The following ASB16 variants were observed in gnomAD, a reference collection of about 807,000 sequenced individuals.
ASB16 encodes the protein ankyrin repeat and SOCS box containing 16.
A neutral mutation model predicts 39.1 loss-of-function variants in ASB16; 44 were observed. The ratio of observed to expected loss-of-function variants is 1.13; its 90% CI spans 0.88 to 1.45. ASB16 has a LOEUF of 1.45. Ranked by LOEUF, ASB16 falls within the 40% of genes most tolerant of loss-of-function variation. The probability of loss-of-function intolerance (pLI) is 0.00; values close to 1 mark genes in which losing one functional copy is unlikely to be tolerated. For missense variants in ASB16, 698 were observed against 634.5 expected (o/e 1.10, Z -1.07); for synonymous variants, 305 against 286.7 (o/e 1.06, Z -0.64).
chr17:44,178,227 C>T lies in ASB16; in HGVS notation c.1199C>T (p.Ser400Leu), dbSNP rs1210036452. The part of the protein sequence containing the change: ...LWKEHEAFYS[S>L]ALCMVNQPRQ... ...TAGGAGCACGAAGCCTTCTACAGCT[C>T]GGCCCTGTGCATGGTGAACCAGCCA... Residue 400 changes from serine (S) to leucine (L), a missense_variant, in exon 5 of 5, where the codon TCG becomes TTG. Coordinates refer to ENST00000293414, the MANE Select transcript of ASB16 (RefSeq NM_080863.5). The T allele has an allele frequency of 5.0e-6, 8 of 1,613,302 alleles. No homozygotes were observed. Among genetic ancestry groups the T allele is most frequent in the African/African-American group, 2.7e-5 (2 of 74,916 alleles).
At chr17:44,175,400 T>TAAAAAA (rs10583057) in intron 2 of ASB16, among the ~76,000 whole-genome samples, 2 of 56,248 alleles carry the variant, frequency 3.6e-5, no homozygotes, top group African/African-American at 6.9e-5. Flanking sequence ...AGACTCCATC[T>TAAAAAA]AAAAAAAAAA....
rs117735535 is a variant in ASB16 at position 44,178,274 on chromosome 17, C to G, written c.1246C>G (p.Arg416Gly). 3.7e-6 allele frequency: 6 copies of G among 1,613,336 alleles called. No individual in the cohort carries two copies. The highest frequency in any genetic ancestry group is 2.7e-5 in the African/African-American group (2 of 74,902). Residue 416 changes from arginine (R) to glycine (G), a missense_variant, in exon 5 of 5, where the codon CGA becomes GGA. Arg to Gly is a moderately radical substitution (Grantham distance 125, BLOSUM62 -2). Transcript: ENST00000293414. ...GCCAAGGCAGCTGCAGCACCTGGCC[C>G]GACTAGCTGTGCGCGCTCGGTTGGG... is the stretch of plus-strand genomic sequence containing the variant. ...NQPRQLQHLA[R>G]LAVRARLGSR...
At position 44,178,108 on chromosome 17, in the gene ASB16, G is replaced by C; in HGVS notation, c.1177-97G>C. The C allele has an allele frequency of 2.3e-6, 3 of 1,295,882 alleles. 1 individual carries two copies. In the South Asian group the frequency reaches 3.7e-5, roughly 16 times the overall value. The allele number at this position is 1,295,882 out of a possible 1,614,324, so 80.3% of individuals were successfully genotyped here. On this transcript the variant is annotated intron_variant, in intron 4 of 4. Transcript: ENST00000293414. ...TCCTTTGAGACACATGAAACACCCA[G>C]GTGGGTGCATGCTGCAAAATCCCAG...
rs1598120601 is a variant in ASB16 at position 44,170,909 on chromosome 17, G to A, written c.120G>A (p.Arg40=). The stretch of plus-strand genomic sequence containing the variant: ...CTGCCCAGCAGTGCCGGAGCCGCAG[G>A]TGCCCGTCAAGTCCCCGGGCCCGAC... ...RAAAQQCRSR[R]CPSSPRARLT... The change falls in exon 1 of 5, where the codon AGG becomes AGA. Residue 40 remains arginine, a synonymous_variant. Coordinates refer to ENST00000293414, the MANE Select transcript of ASB16 (RefSeq NM_080863.5). 6.2e-6 allele frequency: 10 copies of A among 1,612,470 alleles called. No individual in the cohort carries two copies. The South Asian group carries it at 9.9e-5, about 16-fold the overall frequency.
Position 44,176,792 on chromosome 17 carries a change from G to C in ASB16, c.624G>C (p.Glu208Asp). 1 of 1,613,750 alleles carries C rather than the reference G, an allele frequency of 6.2e-7. No homozygotes were observed. Among genetic ancestry groups the C allele is most frequent in the South Asian group, 1.1e-5 (1 of 91,068 alleles). The change falls in exon 3 of 5, where the codon GAG becomes GAC. Residue 208 changes from glutamate to aspartate, a missense_variant. Transcript: ENST00000293414. ...AGATVNLAAG[E>D]SQETPLHVAA... The stretch of plus-strand genomic sequence containing the variant: ...CGACGGTGAACCTGGCAGCAGGCGA[G>C]AGCCAGGAGACGCCCCTGCACGTGG...
chr17:44,172,384 G>T (rs2054250887), intron 2 of ASB16, 71 bp downstream of exon 2: 1 of 1,543,892 alleles, frequency 6.5e-7, no homozygotes, highest in Admixed American at 1.8e-5. Flanking sequence ...AAGGCCAGAA[G>T]AGGGAACCTG....
In ASB16 at chr17:44,171,094, G is replaced by C; in HGVS notation, c.301+4G>C. 6.2e-7 allele frequency: 1 copy of C among 1,610,928 alleles called. No individual in the cohort carries two copies. The highest frequency in any genetic ancestry group is 1.7e-5 in the Admixed American group (1 of 59,846). On this transcript the variant is annotated splice_donor_region_variant and intron_variant, in intron 1 of 4. Transcript: ENST00000293414. ...CTGGCCTGGTCGGCTGAACAGGGTA[G>C]GGGGCACCAGAAGAGGGCAGAAGAG...
chr17:44,177,718 G>A lies in ASB16; in HGVS notation c.1172G>A (p.Trp391Ter). Reference protein sequence around the residue: ...TWVEAVLPELWKEHEAFYSSA... With the variant: ...TWVEAVLPEL The stretch of plus-strand genomic sequence containing the variant: ...GTGGAGGCGGTGCTCCCAGAGCTGT[G>A]GAAGGTATGTTTGCCTCAGGGCCGA... The change falls in exon 4 of 5, where the codon TGG becomes TAG. Residue 391 changes from tryptophan (W) to a stop codon, truncating the protein, a stop_gained. Coordinates refer to ENST00000293414, the MANE Select transcript of ASB16 (RefSeq NM_080863.5). LOFTEE classifies it high-confidence loss of function. 1 of 1,613,556 alleles carries A rather than the reference G, an allele frequency of 6.2e-7. No homozygotes were observed. Among genetic ancestry groups the A allele is most frequent in the Non-Finnish European group, 8.5e-7 (1 of 1,179,668 alleles).
At chr17:44,172,413 G>C in intron 2 of ASB16, 100 bp downstream of exon 2, 1 of 1,414,248 alleles carries the variant, frequency 7.1e-7, no homozygotes, top group African/African-American at 1.4e-5. Context: ...ATGCAGCTTT[G>C]TGGTTCATAA....
intron 2 of ASB16, chr17:44,175,922 GA>G (rs1194834999): frequency 6.6e-6 from 1 of 152,180 alleles, no homozygotes; most frequent in East Asian, 1.9e-4. Context: ...GCCTGGTTTA[GA>G]AGAGTGGTCT....
At position 44,170,753 on chromosome 17, in the gene ASB16, G is replaced by A. The variant is rs766824314; in HGVS notation, c.-37G>A. 14 of 1,545,418 alleles carry A rather than the reference G, an allele frequency of 9.1e-6. No individual in the cohort carries two copies. Among genetic ancestry groups the A allele is most frequent in the Non-Finnish European group, 1.2e-5 (14 of 1,145,334 alleles). ...AGTCGGGTCGAGGGAACCTGGCTCTGCCCAGGTGCCACTGCCCAAACCCCT... is the reference window on the plus strand; with the variant it reads ...AGTCGGGTCGAGGGAACCTGGCTCTACCCAGGTGCCACTGCCCAAACCCCT... On this transcript the variant is annotated 5_prime_UTR_variant, in exon 1 of 5. Transcript: ENST00000293414.
At chr17:44,171,158 G>A in intron 1 of ASB16, 68 bp downstream of exon 1, 16 of 1,438,730 alleles carry the variant, frequency 1.1e-5, no homozygotes, top group Non-Finnish European at 1.4e-5. Context: ...AAGGGGGAGA[G>A]TCTAGGCCCC....
chr17:44,176,815 TGGC>T lies in ASB16; in HGVS notation c.655_657del (p.Ala219del). 6.2e-7 allele frequency: 1 copy of T among 1,612,596 alleles called. No homozygotes were observed. Among genetic ancestry groups the T allele is most frequent in the Non-Finnish European group, 8.5e-7 (1 of 1,179,368 alleles). ...GAGAGCCAGGAGACGCCCCTGCACG[TGGC>T]GGCGGCGCGCGGCCTGGAGCAACAT... On this transcript the variant is annotated inframe_deletion, in exon 3 of 5. Coordinates refer to ENST00000293414, the MANE Select transcript of ASB16 (RefSeq NM_080863.5).
At chr17:44,171,340 C>T (rs899845296) in intron 1 of ASB16, among the ~76,000 whole-genome samples, 2 of 151,950 alleles carry the variant, frequency 1.3e-5, no homozygotes, top group South Asian at 2.1e-4. Context: ...CCAAGGCAGG[C>T]GGATCACGAA....
chr17:44,176,792 G>A lies in ASB16; in HGVS notation c.624G>A (p.Glu208=). The A allele has an allele frequency of 6.2e-7, 1 of 1,613,750 alleles. No individual in the cohort carries two copies. The highest frequency in any genetic ancestry group is 8.5e-7 in the Non-Finnish European group (1 of 1,179,934). The change falls in exon 3 of 5, where the codon GAG becomes GAA. Residue 208 remains glutamate (E), a synonymous_variant. Transcript: ENST00000293414. The part of the protein sequence containing the change: ...AGATVNLAAG[E]SQETPLHVAA... The stretch of plus-strand genomic sequence containing the variant: ...CGACGGTGAACCTGGCAGCAGGCGA[G>A]AGCCAGGAGACGCCCCTGCACGTGG...
chr17:44,176,853 T>A lies in ASB16; in HGVS notation c.685T>A (p.Tyr229Asn), dbSNP rs746702476. The change falls in exon 3 of 5, where the codon TAC becomes AAC. Residue 229 changes from tyrosine to asparagine, a missense_variant. Coordinates refer to ENST00000293414, the MANE Select transcript of ASB16 (RefSeq NM_080863.5). ...ARGLEQHVAL[Y>N]LEHGADVGLR... ...CGGCCTGGAGCAACATGTGGCTCTG[T>A]ACCTGGAGCATGGCGCCGACGTGGG... 6 of 1,611,052 alleles carry A rather than the reference T, an allele frequency of 3.7e-6. No individual in the cohort carries two copies. The highest frequency in any genetic ancestry group is 5.1e-6 in the Non-Finnish European group (6 of 1,178,964).
intron 1 of ASB16, 63 bp from the exon 2 acceptor site, chr17:44,171,983 A>G: frequency 6.5e-7 from 1 of 1,530,980 alleles, no homozygotes; most frequent in Non-Finnish European, 8.9e-7. Context: ...TGGAACCAGC[A>G]TCCCCACTCC....
At chr17:44,177,782 G>A in intron 4 of ASB16, 60 bp downstream of exon 4, 1 of 1,588,430 alleles carries the variant, frequency 6.3e-7, no homozygotes, top group South Asian at 1.2e-5. Context: ...TATTCCTTCA[G>A]GACCAGCCTC....
chr17:44,177,972 T>A (rs1279138802), intron 4 of ASB16, among the ~76,000 whole-genome samples: 1 of 152,182 alleles, frequency 6.6e-6, no homozygotes, highest in Non-Finnish European at 1.5e-5. Context: ...TGGTGGGCAC[T>A]GTGCTAGGCT....
Sources: allele counts gnomAD v4.1 joint callset (sites outside exome capture counted in the v4.1 genomes callset), GRCh38; gene constraint gnomAD v4.1.1; transcripts MANE v1.5; gene names NCBI Gene and HGNC (gene_info 2026-07-23, HGNC 2026-07-21).